The following RBFOX3 variants were observed in gnomAD, a reference collection of about 807,000 sequenced individuals.
RBFOX3 encodes RNA binding protein fox-1 homolog 3.
RBFOX3 carries 17 observed loss-of-function variants against 48.7 expected under a neutral mutation model. That is an observed-to-expected ratio of 0.35 (90% CI 0.24 to 0.52). RBFOX3 has a LOEUF of 0.52. RBFOX3 is among the 20% of genes least tolerant of loss of function. RBFOX3 has a pLI of 0.94. For synonymous variants in RBFOX3, 212 were observed against 209.5 expected (o/e 1.01, Z -0.10); for missense variants, 382 against 497.5 (o/e 0.77, Z 2.21).
At chr17:79,658,260 TCTCC>T in the RBFOX3 span, among the ~76,000 whole-genome samples, 5 of 150,484 alleles carry the variant, frequency 3.3e-5, no homozygotes, top group Non-Finnish European at 7.4e-5. Flanking sequence ...CTCCTCCATT[TCTCC>T]CTCCCTCCCT....
intron 2 of RBFOX3, among the ~76,000 whole-genome samples, chr17:79,435,716 C>T (rs2069300338): frequency 2.0e-5 from 3 of 152,214 alleles, no homozygotes; most frequent in Admixed American, 2.0e-4. Flanking sequence ...TGCTGGCATT[C>T]CCATTGGTTT....
At chr17:79,258,593 C>G (rs1320615731) in intron 3 of RBFOX3, among the ~76,000 whole-genome samples, 1 of 152,156 alleles carries the variant, frequency 6.6e-6, no homozygotes, top group African/African-American at 2.4e-5. Context: ...CCTGGGCAGA[C>G]TAAAAGGAGC....
intron 2 of RBFOX3, among the ~76,000 whole-genome samples, chr17:79,475,938 A>G (rs963931808): frequency 1.3e-5 from 2 of 152,174 alleles, no homozygotes; most frequent in Admixed American, 6.5e-5. Context: ...GAGAACGAAG[A>G]GCTATCGTGA....
At chr17:79,595,165 C>A (rs1335550615) in intron 1 of RBFOX3, among the ~76,000 whole-genome samples, 1 of 151,614 alleles carries the variant, frequency 6.6e-6, no homozygotes, top group Admixed American at 6.6e-5. Context: ...GAGAAACGAG[C>A]CACTTTCCAG....
At chr17:79,144,562 T>G (rs1183664759) in intron 4 of RBFOX3, among the ~76,000 whole-genome samples, 2 of 151,950 alleles carry the variant, frequency 1.3e-5, no homozygotes, top group Non-Finnish European at 1.5e-5. Flanking sequence ...AGTTGGTGGG[T>G]GGAGGGGGCA....
chr17:79,463,657 C>T (rs1555751308), intron 2 of RBFOX3, among the ~76,000 whole-genome samples: 6 of 138,940 alleles, frequency 4.3e-5, no homozygotes, highest in South Asian at 5.0e-4. Flanking sequence ...CCACCACCAT[C>T]GCCACCGCCA....
At chr17:79,504,060 C>A (rs1397737987) in intron 1 of RBFOX3, among the ~76,000 whole-genome samples, 2 of 151,792 alleles carry the variant, frequency 1.3e-5, no homozygotes, top group African/African-American at 4.8e-5. Flanking sequence ...GCAGGGTGCT[C>A]ACCTCGAGCT....
At chr17:79,518,469 C>T (rs1273640383) in intron 1 of RBFOX3, among the ~76,000 whole-genome samples, 1 of 152,388 alleles carries the variant, frequency 6.6e-6, no homozygotes, top group Admixed American at 6.5e-5. Flanking sequence ...CTGGAAAGTG[C>T]CTTGTACACG....
intron 2 of RBFOX3, among the ~76,000 whole-genome samples, chr17:79,454,740 G>A (rs2074182632): frequency 6.6e-6 from 1 of 152,182 alleles, no homozygotes; most frequent in South Asian, 2.1e-4. Flanking sequence ...ACCCACCTTA[G>A]GGCTCCTGTG....
chr17:79,585,686 G>C (rs2093227457), intron 1 of RBFOX3, among the ~76,000 whole-genome samples: 2 of 152,186 alleles, frequency 1.3e-5, no homozygotes, highest in Non-Finnish European at 2.9e-5. Context: ...GTCCAGCCCA[G>C]GGAGAGTGAA....
chr17:79,125,227 G>C (rs1563867), intron 4 of RBFOX3, among the ~76,000 whole-genome samples: 1 of 151,922 alleles, frequency 6.6e-6, no homozygotes, highest in African/African-American at 2.4e-5. Flanking sequence ...GCTGTGGCTG[G>C]CTGTCTGAGC....
intron 4 of RBFOX3, among the ~76,000 whole-genome samples, chr17:79,168,480 C>T (rs2145622709): frequency 6.6e-6 from 1 of 152,348 alleles, no homozygotes; most frequent in South Asian, 2.1e-4. Context: ...CAGAAGAGGC[C>T]CGTGCCCAAG....
chr17:79,196,803 A>G (rs1478671859), intron 4 of RBFOX3, among the ~76,000 whole-genome samples: 1 of 152,220 alleles, frequency 6.6e-6, no homozygotes, highest in African/African-American at 2.4e-5. Context: ...TTAGGAATGC[A>G]TTATGCTTAT....
intron 4 of RBFOX3, among the ~76,000 whole-genome samples, chr17:79,120,812 T>C (rs1490162994): frequency 6.6e-6 from 1 of 151,866 alleles, no homozygotes; most frequent in African/African-American, 2.4e-5. Flanking sequence ...TAAGTTGTTA[T>C]CCTCCCTTCC....
chr17:79,516,006 GCT>G (rs2149926627), intron 1 of RBFOX3: 1 of 152,228 alleles, frequency 6.6e-6, no homozygotes, highest in East Asian at 1.9e-4. Flanking sequence ...TGAGTCCAAG[GCT>G]CTGTGTGCCT....
At chr17:79,132,345 G>A (rs894235405) in intron 4 of RBFOX3, among the ~76,000 whole-genome samples, 29 of 152,292 alleles carry the variant, frequency 1.9e-4, no homozygotes, top group Non-Finnish European at 3.2e-4. Context: ...GCTGAGCGAC[G>A]CGGGCCAATC....
rs1395183357 is a variant in RBFOX3, at chr17:79,431,704, C to T, written c.-175+50750G>A. Reference sequence around the variant, plus strand: ...TTCACCATGTTGGCCAGGCTGGTCTCGAACTCCTGACCTCAGGTGATCCTC... The same window carrying T: ...TTCACCATGTTGGCCAGGCTGGTCTTGAACTCCTGACCTCAGGTGATCCTC... On this transcript the variant is annotated intron_variant, in intron 2 of 14. Transcript: ENST00000693108. Among the ~76,000 whole-genome samples, 8 of 152,282 alleles carry T rather than the reference C, an allele frequency of 5.3e-5. No homozygotes were observed. The South Asian group carries it at 1.2e-3, about 24-fold the overall frequency.
chr17:79,272,003 T>C (rs2377391), intron 3 of RBFOX3, among the ~76,000 whole-genome samples: 147,286 of 152,318 alleles, frequency 0.97, 71,406 homozygotes, highest in East Asian at 1. Context: ...GTCCTCAAAA[T>C]AGCCCGCTGG....
chr17:79,127,283 G>T (rs1202578319), intron 4 of RBFOX3, among the ~76,000 whole-genome samples: 1 of 152,168 alleles, frequency 6.6e-6, no homozygotes, highest in African/African-American at 2.4e-5. Context: ...CTGCCCAGGT[G>T]GCCAGTTCAA....
Sources: allele counts gnomAD v4.1 joint callset (sites outside exome capture counted in the v4.1 genomes callset), GRCh38; gene constraint gnomAD v4.1.1; transcripts MANE v1.5; gene names NCBI Gene and HGNC (gene_info 2026-07-23, HGNC 2026-07-21).